The following UBAP2L variants were observed in gnomAD, a reference collection of about 807,000 sequenced individuals.
The protein encoded by UBAP2L is ubiquitin associated protein 2 like.
In UBAP2L, 12 loss-of-function variants were observed where a neutral mutation model predicts 130.6. That is an observed-to-expected ratio of 0.09 (90% CI 0.06 to 0.15). The LOEUF (loss-of-function observed/expected upper bound fraction) is 0.15. Among genes scored for constraint, UBAP2L ranks in the 10% least tolerant of loss-of-function variants. The pLI is 1.00. For missense variants in UBAP2L, 965 were observed against 1,332.5 expected, an observed-to-expected ratio of 0.72 and a Z score of 4.29; for synonymous variants, 503 against 524.7, an observed-to-expected ratio of 0.96 and a Z score of 0.57.
intron 10 of UBAP2L, 146 bp downstream of exon 10, chr1:154,243,448 G>A (rs1199512490): frequency 1.6e-6 from 1 of 609,496 alleles, no homozygotes; most frequent in African/African-American, 1.9e-5. Flanking sequence ...CTCTTAAGTT[G>A]ATGGAGAGAC....
intron 11 of UBAP2L, among the ~76,000 whole-genome samples, chr1:154,248,015 T>A (rs1310872902): frequency 1.3e-5 from 2 of 151,916 alleles, no homozygotes; most frequent in Admixed American, 1.3e-4. Flanking sequence ...TTGCCTAGGC[T>A]GGAGTGCAAT....
At chr1:154,229,511 G>A (rs926150261) in intron 4 of UBAP2L, among the ~76,000 whole-genome samples, 5 of 151,940 alleles carry the variant, frequency 3.3e-5, no homozygotes, top group African/African-American at 1.2e-4. Flanking sequence ...GTCTTACTCT[G>A]TGGCCCTGGC....
intron 9 of UBAP2L, 108 bp from the exon 10 acceptor site, chr1:154,243,109 C>A: frequency 1.2e-6 from 1 of 865,826 alleles, no homozygotes; most frequent in Non-Finnish European, 1.9e-6. Flanking sequence ...ATAGTTTTCT[C>A]TTTATAGGGC....
intron 24 of UBAP2L, among the ~76,000 whole-genome samples, chr1:154,266,190 C>G (rs1683168964): frequency 6.6e-6 from 1 of 152,148 alleles, no homozygotes; most frequent in South Asian, 2.1e-4. Flanking sequence ...TCCTGCTAGA[C>G]TTTGGCACAG....
At chr1:154,250,923 C>G (rs867596045) in intron 12 of UBAP2L, 118 bp from the exon 13 acceptor site, 3 of 1,037,268 alleles carry the variant, frequency 2.9e-6, no homozygotes, top group South Asian at 1.7e-5. Flanking sequence ...AAAAGAGGGC[C>G]TGCTTATATG....
intron 15 of UBAP2L, 151 bp downstream of exon 15, chr1:154,254,240 G>T: frequency 1.4e-6 from 1 of 725,716 alleles, no homozygotes; most frequent in Non-Finnish European, 2.1e-6. Context: ...TGTGGCTAGT[G>T]AATTAAAAGT....
intron 2 of UBAP2L, among the ~76,000 whole-genome samples, chr1:154,225,680 G>A (rs1310485464): frequency 6.6e-6 from 1 of 152,120 alleles, no homozygotes; most frequent in East Asian, 1.9e-4. Flanking sequence ...GCATTGCCCA[G>A]GCTGGTCTTG....
intron 2 of UBAP2L, among the ~76,000 whole-genome samples, 173 bp from the exon 3 acceptor site, chr1:154,227,109 A>G (rs1055314384): frequency 6.6e-6 from 1 of 152,212 alleles, no homozygotes; most frequent in Non-Finnish European, 1.5e-5. Context: ...GGCGTGAGCC[A>G]CCACCCGCAC....
chr1:154,237,883 AT>A (rs1672194815), intron 8 of UBAP2L, among the ~76,000 whole-genome samples: 1 of 152,240 alleles, frequency 6.6e-6, no homozygotes, highest in South Asian at 2.1e-4. Context: ...TTGGGGGTGG[AT>A]ACGTGTGCCA....
chr1:154,220,649 G>A (rs2148354594), upstream of UBAP2L: 3 of 574,182 alleles, frequency 5.2e-6, no homozygotes, highest in Non-Finnish European at 9.4e-6. Context: ...GCACCCAGGA[G>A]CGTCGAGCGC....
At chr1:154,254,992 T>G in intron 16 of UBAP2L, 102 bp downstream of exon 16, 1 of 1,446,094 alleles carries the variant, frequency 6.9e-7, no homozygotes, top group African/African-American at 1.4e-5. Flanking sequence ...AGACCCATGC[T>G]GTGTAATTCT....
At chr1:154,248,864 C>T (rs1283764043) in intron 11 of UBAP2L, among the ~76,000 whole-genome samples, 1 of 152,112 alleles carries the variant, frequency 6.6e-6, no homozygotes, top group Non-Finnish European at 1.5e-5. Context: ...AATTTTATCC[C>T]TGAGAAGCAG....
In UBAP2L at chr1:154,243,267, G is replaced by T; in HGVS notation, c.807G>T (p.Leu269=). 2 of 1,612,018 alleles carry T rather than the reference G, an allele frequency of 1.2e-6. No individual in the cohort carries two copies. The highest frequency in any genetic ancestry group is 1.7e-6 in the Non-Finnish European group (2 of 1,178,444). ...CCTCTAATGTGTCTTCAGTGCCTCTGCCTGCGGAGAATGTGACAATCACTG... is the reference window on the plus strand; with the variant it reads ...CCTCTAATGTGTCTTCAGTGCCTCTTCCTGCGGAGAATGTGACAATCACTG... The part of the protein sequence containing the change: ...FTASNVSSVP[L]PAENVTITAG... The change falls in exon 10 of 27, where the codon CTG becomes CTT. Residue 269 remains leucine (L), a synonymous_variant. Coordinates refer to ENST00000428931, the MANE Select transcript of UBAP2L (RefSeq NM_014847.4).
chr1:154,262,828 G>C (rs1383628308), intron 24 of UBAP2L, among the ~76,000 whole-genome samples: 1 of 152,126 alleles, frequency 6.6e-6, no homozygotes, highest in Non-Finnish European at 1.5e-5. Context: ...CTAAATCTTG[G>C]TGGGGAGGAT....
Position 154,270,786 on chromosome 1 carries a change from T to TTTTTTTTA in UBAP2L, c.*491_*492insTTTTTTTA. On this transcript the variant is annotated 3_prime_UTR_variant, in exon 27 of 27. Transcript: ENST00000428931. ...TTTTTTTTTGTTTTTTTTTTTTTTT[T>TTTTTTTTA]GTACTGTGTCCTCAAATTTAATGGA... The TTTTTTTTA allele has an allele frequency of 8.0e-7, 1 of 1,249,170 alleles. No individual in the cohort carries two copies. Among genetic ancestry groups the TTTTTTTTA allele is most frequent in the Non-Finnish European group, 1.0e-6 (1 of 969,280 alleles). 77.4% of individuals were successfully genotyped at this position (1,249,170 alleles called of 1,614,324 possible). A position where few individuals can be genotyped will look rare whatever the true frequency, so the allele number is the denominator to read the frequency against.
At chr1:154,266,898 G>A (rs1683395102) in intron 25 of UBAP2L, among the ~76,000 whole-genome samples, 1 of 152,128 alleles carries the variant, frequency 6.6e-6, no homozygotes, top group African/African-American at 2.4e-5. Context: ...ATAAGTATGA[G>A]AGTGACAGGA....
chr1:154,247,763 A>G (rs1422146071), intron 11 of UBAP2L, among the ~76,000 whole-genome samples: 3 of 152,104 alleles, frequency 2.0e-5, no homozygotes, highest in Admixed American at 6.5e-5. Context: ...AAATGTGAAA[A>G]CTAAGTATAA....
At chr1:154,258,953 T>C (rs948952019) in intron 20 of UBAP2L, 24 bp from the exon 21 acceptor site, 9 of 1,609,396 alleles carry the variant, frequency 5.6e-6, no homozygotes, top group Middle Eastern at 1.7e-4. Flanking sequence ...GTTCCTGTTA[T>C]TGCTATATGT....
At chr1:154,268,198 CT>C (rs1414017139) in intron 25 of UBAP2L, among the ~76,000 whole-genome samples, 1 of 147,016 alleles carries the variant, frequency 6.8e-6, no homozygotes, top group Non-Finnish European at 1.5e-5. Context: ...CTTTTTTTTT[CT>C]TTTTTTTCTT....
Sources: allele counts gnomAD v4.1 joint callset (sites outside exome capture counted in the v4.1 genomes callset), GRCh38; gene constraint gnomAD v4.1.1; transcripts MANE v1.5; gene names NCBI Gene and HGNC (gene_info 2026-07-23, HGNC 2026-07-21).